NOVA2: variants seen among roughly 807,000 people sequenced by gnomAD.
The protein encoded by NOVA2 is NOVA alternative splicing regulator 2.
A neutral mutation model predicts 22.5 loss-of-function variants in NOVA2; 9 were observed. That is an observed-to-expected ratio of 0.40 (90% CI 0.24 to 0.70). The LOEUF is 0.70. Ranked by LOEUF, NOVA2 falls within the 30% of genes least tolerant of loss-of-function variation. The pLI is 0.38. For missense variants in NOVA2, 383 were observed against 682.8 expected (o/e 0.56, Z 4.89); for synonymous variants, 318 against 335.2 (o/e 0.95, Z 0.56).
chr19:45,964,179 CTTTTTTTT>C (rs10555207), intron 1 of NOVA2, among the ~76,000 whole-genome samples: 23 of 106,956 alleles, frequency 2.2e-4, no homozygotes, highest in Non-Finnish European at 4.6e-4. Context: ...TTTTCTTTTT[CTTTTTTTT>C]TTTTTTTTTT....
intron 3 of NOVA2, among the ~76,000 whole-genome samples, chr19:45,953,145 C>T (rs1967951196): frequency 6.6e-6 from 1 of 152,190 alleles, no homozygotes; most frequent in Non-Finnish European, 1.5e-5. Context: ...GCCCCGTGAG[C>T]GCCGTCGTCA....
chr19:45,972,216 C>T (rs1170776629), intron 1 of NOVA2, among the ~76,000 whole-genome samples: 3 of 152,038 alleles, frequency 2.0e-5, no homozygotes, highest in South Asian at 4.1e-4. Context: ...CCACAAGCCC[C>T]AGCCTCTCCC....
rs142009312 is a variant in NOVA2 at position 45,953,902 on chromosome 19, A to G, written c.274T>C (p.Leu92=). 3,092 of 1,614,132 alleles carry G rather than the reference A, an allele frequency of 1.9e-3. 74 individuals are homozygous for G. The South Asian group carries it at 0.028, about 15-fold the overall frequency. ...GCAATAAAGCTGTGCACAGCATTCA[A>G]GGCCTCTGCCGTGCCCTGTACTAGG... ...VCLVQGTAEA[L]NAVHSFIAEK... Residue 92 remains leucine, a synonymous_variant, in exon 3 of 4, where the codon TTG becomes CTG. Coordinates refer to ENST00000263257, the MANE Select transcript of NOVA2 (RefSeq NM_002516.4).
At chr19:45,961,622 C>A (rs1247002591) in intron 1 of NOVA2, among the ~76,000 whole-genome samples, 1 of 152,174 alleles carries the variant, frequency 6.6e-6, no homozygotes, top group African/African-American at 2.4e-5. Context: ...CATCATCACA[C>A]ACTTTTGCAG....
At chr19:45,946,890 AAT>A (rs1463631799) in intron 3 of NOVA2, among the ~76,000 whole-genome samples, 6 of 151,562 alleles carry the variant, frequency 4.0e-5, no homozygotes, top group South Asian at 2.1e-4. Flanking sequence ...AAAAAAAAAA[AAT>A]CACAACAAAA....
rs143340271 is a variant in NOVA2 at position 45,959,073 on chromosome 19, C to T, written c.229+1937G>A. Among the ~76,000 whole-genome samples, 863 of 152,302 alleles carry T rather than the reference C, an allele frequency of 5.7e-3. 5 individuals are homozygous for T. The highest frequency in any genetic ancestry group is 9.6e-3 in the Non-Finnish European group (656 of 68,014). ...TATTGTCCCCATTTCTGTCTGGCAC[C>T]GGGCTGGCATAGAGGAAGTGCTCAG... is the stretch of plus-strand genomic sequence containing the variant. On this transcript the variant is annotated intron_variant, in intron 2 of 3. Transcript: ENST00000263257.
At chr19:45,956,470 CT>C (rs34559909) in intron 2 of NOVA2, among the ~76,000 whole-genome samples, 100,415 of 148,308 alleles carry the variant, frequency 0.68, 34,956 homozygotes, top group Non-Finnish European at 0.76. Context: ...ATTCTAAGCA[CT>C]TTTTTTTTTT....
At chr19:45,955,153 A>C (rs1967986520) in intron 2 of NOVA2, among the ~76,000 whole-genome samples, 1 of 152,068 alleles carries the variant, frequency 6.6e-6, no homozygotes, top group East Asian at 1.9e-4. Context: ...TACACAATGA[A>C]TATATACCAC....
intron 1 of NOVA2, among the ~76,000 whole-genome samples, chr19:45,972,896 C>T (rs1968251421): frequency 6.6e-6 from 1 of 152,118 alleles, no homozygotes; most frequent in Non-Finnish European, 1.5e-5. Flanking sequence ...ACTCCTTCCC[C>T]TCCCCCAGCC....
rs572676549 is a variant in NOVA2 at position 45,960,898 on chromosome 19, A to T, written c.229+112T>A. ...TAGGGGAAGGGGAGGCCCCCTCCCC[A>T]CCACTGTCACTGTCCTTAGGGCAGA... On this transcript the variant is annotated intron_variant, in intron 2 of 3. Coordinates refer to ENST00000263257, the MANE Select transcript of NOVA2 (RefSeq NM_002516.4). The T allele has an allele frequency of 1.1e-4, 132 of 1,153,358 alleles. No individual in the cohort carries two copies. In the African/African-American group the frequency reaches 2.0e-3, roughly 17 times the overall value. 71.4% of individuals were successfully genotyped at this position (1,153,358 alleles called of 1,614,324 possible).
At chr19:45,947,879 C>G (rs895468802) in intron 3 of NOVA2, among the ~76,000 whole-genome samples, 1 of 152,084 alleles carries the variant, frequency 6.6e-6, no homozygotes, top group African/African-American at 2.4e-5. Context: ...TCTGTGCATA[C>G]AAATCCCTGA....
intron 1 of NOVA2, among the ~76,000 whole-genome samples, chr19:45,970,833 C>T (rs2146430464): frequency 6.6e-6 from 1 of 152,248 alleles, no homozygotes. Flanking sequence ...CAGCCCTGCC[C>T]CTGAGTGTGT....
In NOVA2 at chr19:45,939,718, G is replaced by A. The variant is rs1600594715; in HGVS notation, c.*145C>T. 6.0e-6 allele frequency: 6 copies of A among 1,004,504 alleles called. 1 individual carries two copies. The African/African-American group carries it at 8.1e-5, about 14-fold the overall frequency. The allele number at this position is 1,004,504 out of a possible 1,614,324, so 62.2% of individuals were successfully genotyped here. A position where few individuals can be genotyped will look rare whatever the true frequency, so the allele number is the denominator to read the frequency against. The stretch of plus-strand genomic sequence containing the variant: ...TCAATCCTGCCTATGACTACCAGAA[G>A]GGGAGGGTGCAGTCGGGCCTACCCC... On this transcript the variant is annotated 3_prime_UTR_variant, in exon 4 of 4. Coordinates refer to ENST00000263257, the MANE Select transcript of NOVA2 (RefSeq NM_002516.4).
intron 3 of NOVA2, among the ~76,000 whole-genome samples, chr19:45,946,388 T>C (rs1428104033): frequency 6.6e-6 from 1 of 152,196 alleles, no homozygotes; most frequent in African/African-American, 2.4e-5. Flanking sequence ...GTTGACTGAA[T>C]CTCAGATTGA....
chr19:45,970,522 C>A (rs953133697), intron 1 of NOVA2, among the ~76,000 whole-genome samples: 1 of 151,764 alleles, frequency 6.6e-6, no homozygotes, highest in Non-Finnish European at 1.5e-5. Flanking sequence ...ACTATAGGCG[C>A]CCACCACCAT....
chr19:45,948,014 A>G (rs1967867415), intron 3 of NOVA2, among the ~76,000 whole-genome samples: 1 of 151,886 alleles, frequency 6.6e-6, no homozygotes, highest in Non-Finnish European at 1.5e-5. Flanking sequence ...GGATATTCAG[A>G]CCTCCTCATA....
chr19:45,973,149 G>T (rs1271677479), intron 1 of NOVA2, 118 bp downstream of exon 1: 2 of 325,762 alleles, frequency 6.1e-6, no homozygotes, highest in Non-Finnish European at 1.1e-5. Flanking sequence ...CCCGCCTCGG[G>T]GAGGGGTGTC....
intron 3 of NOVA2, among the ~76,000 whole-genome samples, chr19:45,948,419 G>A (rs1967872912): frequency 6.6e-6 from 1 of 151,986 alleles, no homozygotes; most frequent in African/African-American, 2.4e-5. Flanking sequence ...CTAACACGGT[G>A]AAACCCCGTC....
intron 3 of NOVA2, among the ~76,000 whole-genome samples, chr19:45,953,324 C>A (rs759268482): frequency 6.6e-6 from 1 of 152,186 alleles, no homozygotes; most frequent in Non-Finnish European, 1.5e-5. Flanking sequence ...AATGAAACAC[C>A]ACCTCTACCC....
Sources: allele counts gnomAD v4.1 joint callset (sites outside exome capture counted in the v4.1 genomes callset), GRCh38; gene constraint gnomAD v4.1.1; transcripts MANE v1.5; gene names NCBI Gene and HGNC (gene_info 2026-07-23, HGNC 2026-07-21).